The following LRP2 variants were observed in gnomAD, a reference collection of about 807,000 sequenced individuals.
LRP2 encodes low-density lipoprotein receptor-related protein 2.
A neutral mutation model predicts 531.0 loss-of-function variants in LRP2; 172 were observed. That is an observed-to-expected ratio of 0.32 (90% CI 0.29 to 0.37). LRP2 has a LOEUF of 0.37. Among genes scored for constraint, LRP2 ranks in the 10% least tolerant of loss-of-function variants. The probability of loss-of-function intolerance (pLI) is 1.00; values close to 1 mark genes in which losing one functional copy is unlikely to be tolerated. For synonymous variants in LRP2, 1,992 were observed against 2,027.6 expected (o/e 0.98, Z 0.47); for missense variants, 5,167 against 5,868.3 (o/e 0.88, Z 3.90).
chr2:169,204,367 CA>C, intron 41 of LRP2, 96 bp from the exon 42 acceptor site: 1 of 1,173,630 alleles, frequency 8.5e-7, no homozygotes. Context: ...ATTGTTTACA[CA>C]AGCTGCAAAC....
chr2:169,159,432 T>C (rs1425595343), intron 63 of LRP2, among the ~76,000 whole-genome samples: 2 of 152,088 alleles, frequency 1.3e-5, no homozygotes, highest in African/African-American at 2.4e-5. Flanking sequence ...TAAAGTACAA[T>C]GAAATTCAAT....
chr2:169,325,667 T>C (rs1315236289), intron 1 of LRP2, among the ~76,000 whole-genome samples: 2 of 152,218 alleles, frequency 1.3e-5, no homozygotes, highest in East Asian at 3.8e-4. Context: ...ATTGATAGAA[T>C]AGTCAAGGAT....
chr2:169,228,707 G>A (rs767728801), intron 31 of LRP2, among the ~76,000 whole-genome samples: 7 of 152,056 alleles, frequency 4.6e-5, no homozygotes, highest in South Asian at 2.1e-4. Flanking sequence ...TACTGAGAAC[G>A]TTTACCACCA....
chr2:169,345,348 C>T (rs831038), intron 1 of LRP2, among the ~76,000 whole-genome samples: 63,251 of 151,956 alleles, frequency 0.42, 14,114 homozygotes, highest in African/African-American at 0.58. Context: ...GGAAAGGCAG[C>T]CTTGCAAGCT....
intron 1 of LRP2, among the ~76,000 whole-genome samples, chr2:169,362,058 AG>A (rs1686181421): frequency 6.6e-6 from 1 of 152,210 alleles, no homozygotes; most frequent in Admixed American, 6.5e-5. Context: ...GAACAAAGAC[AG>A]GGTCTCCGTG....
In LRP2 at chr2:169,290,964, G is replaced by C; in HGVS notation, c.803C>G (p.Pro268Arg). 6.2e-7 allele frequency: 1 copy of C among 1,614,072 alleles called. No individual in the cohort carries two copies. Among genetic ancestry groups the C allele is most frequent in the African/African-American group, 1.3e-5 (1 of 75,014 alleles). ...CGACTCTGGGCAAGACCATTCTCTT[G>C]GGGAACATTTATGAACATCATGAGG... ...SGPHDVHKCSPREWSCPESGR... is the reference protein window; with the variant it reads ...SGPHDVHKCSRREWSCPESGR... The change falls in exon 8 of 79, where the codon CCA (proline) becomes CGA (arginine). Residue 268 changes from proline to arginine, a missense_variant. By Grantham distance (103) the Pro-to-Arg change is moderately radical. Coordinates refer to ENST00000649046, the MANE Select transcript of LRP2 (RefSeq NM_004525.3).
In LRP2 at chr2:169,353,144, G is replaced by T. The variant is rs188793174; in HGVS notation, c.79+9177C>A. Among the ~76,000 whole-genome samples the T allele has an allele frequency of 1.8e-3, 270 of 152,282 alleles. 1 individual carries two copies. Among genetic ancestry groups the T allele is most frequent in the African/African-American group, 6.3e-3 (262 of 41,546 alleles). On this transcript the variant is annotated intron_variant, in intron 1 of 78. Coordinates refer to ENST00000649046, the MANE Select transcript of LRP2 (RefSeq NM_004525.3). ...TTTTTTAAGTTCCTCAGGTGATTTT[G>T]ATGATATGTCAAGTTTGGGGAGCTA...
At chr2:169,155,440 T>C (rs1304324924) in intron 65 of LRP2, among the ~76,000 whole-genome samples, 16 of 152,224 alleles carry the variant, frequency 1.1e-4, no homozygotes, top group Non-Finnish European at 5.9e-5. Flanking sequence ...GGGTAAAATA[T>C]GTAAGTATGC....
intron 77 of LRP2, among the ~76,000 whole-genome samples, chr2:169,129,462 G>A (rs549215548): frequency 6.6e-6 from 1 of 152,160 alleles, no homozygotes; most frequent in Non-Finnish European, 1.5e-5. Flanking sequence ...AAAATTGGGT[G>A]GAGATGGCAA....
chr2:169,282,247 T>C (rs1046710064), intron 10 of LRP2, among the ~76,000 whole-genome samples: 1 of 152,074 alleles, frequency 6.6e-6, no homozygotes, highest in African/African-American at 2.4e-5. Flanking sequence ...TATTGGAAAA[T>C]AGGAGTTTAT....
At chr2:169,274,700 G>C (rs1057311385) in intron 14 of LRP2, among the ~76,000 whole-genome samples, 2 of 152,116 alleles carry the variant, frequency 1.3e-5, no homozygotes, top group African/African-American at 4.8e-5. Flanking sequence ...GTTTGAAATA[G>C]ATGTCTTTCC....
rs1574183859 is a variant in LRP2 at position 169,255,165 on chromosome 2, C to T, written c.2770+941G>A. 2.0e-5 allele frequency among the ~76,000 whole-genome samples: 3 copies of T among 152,230 alleles called. No homozygotes were observed. In the South Asian group the frequency reaches 6.2e-4, roughly 32 times the overall value. ...GGACACAACTAGCATATACACAGGGCTTTTGGTAGACTTAAACAAAACATG... is the reference window on the plus strand; with the variant it reads ...GGACACAACTAGCATATACACAGGGTTTTTGGTAGACTTAAACAAAACATG... On this transcript the variant is annotated intron_variant, in intron 19 of 78. Transcript: ENST00000649046.
chr2:169,244,306 T>G (rs1336020226), intron 22 of LRP2, among the ~76,000 whole-genome samples: 1 of 152,250 alleles, frequency 6.6e-6, no homozygotes, highest in Non-Finnish European at 1.5e-5. Context: ...GATGTCTTTT[T>G]GCTTGTACCA....
intron 19 of LRP2, 65 bp downstream of exon 19, chr2:169,256,041 T>G: frequency 1.4e-5 from 22 of 1,536,604 alleles, no homozygotes; most frequent in East Asian, 4.6e-5. Context: ...CACATGAGGA[T>G]GAGTTTACTA....
intron 46 of LRP2, 117 bp from the exon 47 acceptor site, chr2:169,194,009 T>C (rs1559007795): frequency 1.8e-6 from 2 of 1,083,600 alleles, no homozygotes; most frequent in East Asian, 2.5e-5. Context: ...ATTATTTAAT[T>C]ATATACATCT....
intron 77 of LRP2, among the ~76,000 whole-genome samples, chr2:169,132,302 A>C (rs1362243383): frequency 6.6e-6 from 1 of 152,188 alleles, no homozygotes; most frequent in African/African-American, 2.4e-5. Context: ...GTCTGAAGAT[A>C]CTGGATCCAG....
intron 62 of LRP2, among the ~76,000 whole-genome samples, chr2:169,164,241 G>A (rs987973952): frequency 6.6e-6 from 1 of 152,162 alleles, no homozygotes; most frequent in African/African-American, 2.4e-5. Flanking sequence ...GGCACAGAAG[G>A]CACTGATTGT....
At chr2:169,331,513 C>T (rs969915820) in intron 1 of LRP2, among the ~76,000 whole-genome samples, 1 of 152,170 alleles carries the variant, frequency 6.6e-6, no homozygotes, top group African/African-American at 2.4e-5. Flanking sequence ...TGGAGAGGAA[C>T]CTTCCCTACA....
rs1478130877 is a variant in LRP2, at chr2:169,206,843, C to A, written c.6877G>T (p.Val2293Leu). The stretch of plus-strand genomic sequence containing the variant: ...AAGATCTTTTTCAAATTCCTATCTA[C>A]CCATATGATAGAATTTTCAAAAACA... Reference protein sequence around the residue: ...ITVFENSIIWVDRNLKKIFQA... With the variant: ...ITVFENSIIWLDRNLKKIFQA... The change falls in exon 39 of 79, where the codon GTA becomes TTA. Residue 2293 changes from valine (V) to leucine (L), a missense_variant. Physicochemically the swap from Val to Leu is conservative, Grantham distance 32. Around this residue, in one of 6 missense-constraint regions of LRP2, gnomAD observed 2,811 missense variants for 3,058.0 expected, o/e 0.92. Coordinates refer to ENST00000649046, the MANE Select transcript of LRP2 (RefSeq NM_004525.3). The A allele has an allele frequency of 1.2e-6, 2 of 1,614,132 alleles. No individual in the cohort carries two copies. Among genetic ancestry groups the A allele is most frequent in the East Asian group, 2.2e-5 (1 of 44,888 alleles).
Sources: gnomAD v4.1 joint callset for allele counts (sites outside exome capture counted in the v4.1 genomes callset) on GRCh38, gnomAD v4.1.1 for gene constraint, gnomAD v4.1.1 regional missense constraint, MANE v1.5 for transcripts, NCBI Gene and HGNC (gene_info 2026-07-23, HGNC 2026-07-21) for gene names.